SSH2: variants seen among roughly 807,000 people sequenced by gnomAD.
The protein encoded by SSH2 is protein phosphatase Slingshot homolog 2.
Under a neutral mutation model 135.2 loss-of-function variants are expected in SSH2, and 37 were observed. That is an observed-to-expected ratio of 0.27 (90% CI 0.21 to 0.36). The LOEUF (loss-of-function observed/expected upper bound fraction) is 0.36, where lower values mean the gene tolerates loss of function less well. SSH2 is among the 10% of genes least tolerant of loss of function. The pLI, the probability that SSH2 is intolerant of heterozygous loss-of-function variation, is 1.00. For synonymous variants in SSH2, 628 were observed against 646.2 expected, an observed-to-expected ratio of 0.97 and a Z score of 0.43; for missense variants, 1,408 against 1,765.3, an observed-to-expected ratio of 0.80 and a Z score of 3.63.
At chr17:29,707,831 C>A (rs1474773782) in intron 3 of SSH2, among the ~76,000 whole-genome samples, 2 of 151,974 alleles carry the variant, frequency 1.3e-5, no homozygotes, top group African/African-American at 2.4e-5. Flanking sequence ...CAACCCGAGA[C>A]TACTATTAAA....
chr17:29,852,785 C>T (rs1399551694), intron 1 of SSH2, among the ~76,000 whole-genome samples: 2 of 151,800 alleles, frequency 1.3e-5, no homozygotes, highest in African/African-American at 4.9e-5. Flanking sequence ...CTCCTCACCT[C>T]GTGATCCACC....
intron 1 of SSH2, among the ~76,000 whole-genome samples, chr17:29,859,003 T>C (rs2065713491): frequency 6.6e-6 from 1 of 152,162 alleles, no homozygotes; most frequent in African/African-American, 2.4e-5. Flanking sequence ...TCAGAAGAAA[T>C]CAACACATTG....
chr17:29,842,917 C>T (rs1022926850), intron 2 of SSH2, among the ~76,000 whole-genome samples: 4 of 152,164 alleles, frequency 2.6e-5, no homozygotes, highest in Non-Finnish European at 5.9e-5. Flanking sequence ...TGCTATTGGC[C>T]AACTGGCCAT....
At chr17:29,743,051 C>A (rs2040626030) in intron 3 of SSH2, among the ~76,000 whole-genome samples, 1 of 152,136 alleles carries the variant, frequency 6.6e-6, no homozygotes, top group Non-Finnish European at 1.5e-5. Context: ...CATGCGTCAG[C>A]CTCTTGAGTA....
At chr17:29,717,354 T>G (rs1362984729) in intron 3 of SSH2, among the ~76,000 whole-genome samples, 1 of 152,224 alleles carries the variant, frequency 6.6e-6, no homozygotes, top group Non-Finnish European at 1.5e-5. Flanking sequence ...CAAGCTGGTC[T>G]AGAACTTCTG....
chr17:29,760,194 A>G (rs1168691283), intron 3 of SSH2, among the ~76,000 whole-genome samples: 2 of 152,216 alleles, frequency 1.3e-5, no homozygotes, highest in Non-Finnish European at 2.9e-5. Flanking sequence ...TAGACCTTTA[A>G]TAAGGGATAA....
At chr17:29,830,878 A>G (rs1377918998) in intron 2 of SSH2, among the ~76,000 whole-genome samples, 1 of 152,226 alleles carries the variant, frequency 6.6e-6, no homozygotes, top group East Asian at 1.9e-4. Flanking sequence ...GAACCAGACT[A>G]GTGGAAACCA....
chr17:29,927,667 G>A lies in SSH2; in HGVS notation c.63+2271C>T, dbSNP rs12325777. On this transcript the variant is annotated intron_variant, in intron 1 of 15. Transcript: ENST00000540801. The stretch of plus-strand genomic sequence containing the variant: ...GGTCAGACAGCAGCCAAATGCTAGA[G>A]TACAAGGACCTCGAAACAACTCAGC... 6.5e-3 allele frequency among the ~76,000 whole-genome samples: 997 copies of A among 152,266 alleles called. 6 individuals are homozygous for A. Among genetic ancestry groups the A allele is most frequent in the African/African-American group, 0.023 (956 of 41,554 alleles).
chr17:29,892,595 A>T (rs1774358309), intron 1 of SSH2, among the ~76,000 whole-genome samples: 1 of 152,146 alleles, frequency 6.6e-6, no homozygotes, highest in African/African-American at 2.4e-5. Context: ...GCTCATTAAC[A>T]TTGTCTCGAC....
At chr17:29,652,122 A>G (rs981739824) in intron 12 of SSH2, among the ~76,000 whole-genome samples, 2 of 152,196 alleles carry the variant, frequency 1.3e-5, no homozygotes, top group African/African-American at 2.4e-5. Flanking sequence ...AGTCTGGGCA[A>G]TAAGAGTGAA....
At position 29,718,732 on chromosome 17, in the gene SSH2, CAAA is replaced by C. The variant is rs752148237; in HGVS notation, c.189-15673_189-15671del. On this transcript the variant is annotated intron_variant, in intron 3 of 15. Coordinates refer to ENST00000540801, the MANE Select transcript of SSH2 (RefSeq NM_001282129.2). ...TGGGCGACAAAGCAAGATTTCACCT[CAAA>C]AAAAAAAAAAAAAAAAAAAAAAAGA... Among the ~76,000 whole-genome samples, 10 of 77,320 alleles carry C rather than the reference CAAA, an allele frequency of 1.3e-4. 1 individual carries two copies. The highest frequency in any genetic ancestry group is 5.4e-4 in the African/African-American group (9 of 16,772). The allele number at this position is 77,320 out of a possible 152,430, so 50.7% of individuals were successfully genotyped here. A position where few individuals can be genotyped will look rare whatever the true frequency, so the allele number is the denominator to read the frequency against.
At chr17:29,689,281 C>G (rs2038364656) in intron 5 of SSH2, among the ~76,000 whole-genome samples, 1 of 152,160 alleles carries the variant, frequency 6.6e-6, no homozygotes, top group Non-Finnish European at 1.5e-5. Context: ...TCGTATTCCT[C>G]TGTTGGAGAT....
intron 3 of SSH2, among the ~76,000 whole-genome samples, chr17:29,732,788 C>A (rs990222963): frequency 3.3e-5 from 5 of 152,102 alleles, no homozygotes; most frequent in African/African-American, 1.2e-4. Flanking sequence ...CCTTGGAAAC[C>A]AACAGAACAA....
At position 29,627,138 on chromosome 17, in the gene SSH2, G is replaced by A. The variant is rs2150951426; in HGVS notation, c.*3703C>T. The A allele has an allele frequency of 6.5e-6, 1 of 152,700 alleles. No homozygotes were observed. The highest frequency in any genetic ancestry group is 6.5e-5 in the Admixed American group (1 of 15,300). 9.5% of individuals were successfully genotyped at this position (152,700 alleles called of 1,614,324 possible). ...GACAGCCAGGGCACTGATGCCTGCA[G>A]GACTGCATGGCCGACAAGATGATGC... On this transcript the variant is annotated 3_prime_UTR_variant, in exon 16 of 16. Coordinates refer to ENST00000540801, the MANE Select transcript of SSH2 (RefSeq NM_001282129.2).
At chr17:29,637,069 A>G (rs1342526158) in intron 14 of SSH2, among the ~76,000 whole-genome samples, 1 of 152,210 alleles carries the variant, frequency 6.6e-6, no homozygotes, top group Non-Finnish European at 1.5e-5. Flanking sequence ...GTATGGCTAA[A>G]CAAGCCCTCT....
intron 11 of SSH2, among the ~76,000 whole-genome samples, chr17:29,660,651 A>G (rs1165666835): frequency 1.3e-5 from 2 of 152,182 alleles, no homozygotes; most frequent in East Asian, 3.8e-4. Flanking sequence ...CAAATTATAC[A>G]TGCAAAGTTT....
At chr17:29,855,409 G>A (rs566600311) in intron 1 of SSH2, among the ~76,000 whole-genome samples, 1 of 152,130 alleles carries the variant, frequency 6.6e-6, no homozygotes, top group African/African-American at 2.4e-5. Flanking sequence ...GGGGGCTGAG[G>A]TCGGAGGATC....
chr17:29,911,490 C>T (rs2066764084), intron 1 of SSH2, among the ~76,000 whole-genome samples: 1 of 152,122 alleles, frequency 6.6e-6, no homozygotes, highest in Non-Finnish European at 1.5e-5. Flanking sequence ...CAACTATAAG[C>T]CCCATTCTAC....
chr17:29,651,242 G>A (rs1383832564), intron 12 of SSH2, among the ~76,000 whole-genome samples: 4 of 152,080 alleles, frequency 2.6e-5, no homozygotes, highest in African/African-American at 9.7e-5. Flanking sequence ...TACCCCAAGT[G>A]AAAAAAGAGA....
Sources: allele counts gnomAD v4.1 joint callset (sites outside exome capture counted in the v4.1 genomes callset), GRCh38; gene constraint gnomAD v4.1.1; transcripts MANE v1.5; gene names NCBI Gene and HGNC (gene_info 2026-07-23, HGNC 2026-07-21).